ADAMTSL1: variants seen among roughly 807,000 people sequenced by gnomAD.
ADAMTSL1 encodes the protein ADAMTS-like protein 1.
Under a neutral mutation model 201.8 loss-of-function variants are expected in ADAMTSL1, and 126 were observed. The observed-to-expected ratio is 0.62, with a 90% confidence interval of 0.54 to 0.72. The LOEUF (loss-of-function observed/expected upper bound fraction) is 0.72. ADAMTSL1 is among the 30% of genes least tolerant of loss of function. The pLI is 0.00. For synonymous variants in ADAMTSL1, 1,121 were observed against 903.4 expected, an observed-to-expected ratio of 1.24 and a Z score of -4.32; for missense variants, 2,679 against 2,277.8, an observed-to-expected ratio of 1.18 and a Z score of -3.59.
intron 1 of ADAMTSL1, among the ~76,000 whole-genome samples, chr9:17,949,856 CTT>C (rs1452735604): frequency 2.0e-5 from 3 of 152,092 alleles, no homozygotes; most frequent in East Asian, 1.9e-4. Flanking sequence ...TAGAACCACT[CTT>C]TGATTTGACA....
At chr9:18,629,993 G>C (rs543456299) in intron 5 of ADAMTSL1, among the ~76,000 whole-genome samples, 3 of 151,716 alleles carry the variant, frequency 2.0e-5, no homozygotes, top group South Asian at 2.1e-4. Context: ...TTTTTTGTTT[G>C]TTTGTTTCTT....
chr9:17,911,956 A>G lies in ADAMTSL1; in HGVS notation c.87+5034A>G, dbSNP rs1269993741. Among the ~76,000 whole-genome samples, 25 of 53,820 alleles carry G rather than the reference A, an allele frequency of 4.6e-4. 6 individuals carry two copies. The highest frequency in any genetic ancestry group is 7.5e-4 in the African/African-American group (22 of 29,440). The allele number at this position is 53,820 out of a possible 152,430, so 35.3% of individuals were successfully genotyped here. A position where few individuals can be genotyped will look rare whatever the true frequency, so the allele number is the denominator to read the frequency against. On this transcript the variant is annotated intron_variant, in intron 1 of 29. Coordinates refer to the ADAMTSL1 transcript ENST00000680146. ...CGGTGTTTGGTTTTTTGTTCTTGCA[A>G]TAGTTTACTGAGAATGATGATTTCC...
chr9:18,073,073 A>G (rs1823038049), intron 1 of ADAMTSL1, among the ~76,000 whole-genome samples: 2 of 152,192 alleles, frequency 1.3e-5, no homozygotes, highest in Non-Finnish European at 2.9e-5. Flanking sequence ...ATCTTCATTA[A>G]TGAAGAGCAC....
intron 2 of ADAMTSL1, among the ~76,000 whole-genome samples, chr9:18,507,380 C>G (rs138678572): frequency 2.0e-5 from 3 of 152,108 alleles, no homozygotes; most frequent in Non-Finnish European, 4.4e-5. Context: ...TGTAGAAAAT[C>G]TGCATCTCCA....
chr9:18,212,714 G>T (rs550729387), intron 2 of ADAMTSL1, among the ~76,000 whole-genome samples: 1 of 152,144 alleles, frequency 6.6e-6, no homozygotes, highest in South Asian at 2.1e-4. Flanking sequence ...ACAATGTGTA[G>T]TTAGAGTTTG....
chr9:18,367,434 G>A (rs916394480), intron 2 of ADAMTSL1, among the ~76,000 whole-genome samples: 3 of 151,644 alleles, frequency 2.0e-5, no homozygotes, highest in African/African-American at 4.8e-5. Flanking sequence ...ATTATGGCAT[G>A]AAAATATCTT....
intron 2 of ADAMTSL1, among the ~76,000 whole-genome samples, chr9:18,165,396 G>T (rs985360583): frequency 2.6e-5 from 4 of 151,866 alleles, no homozygotes; most frequent in Non-Finnish European, 5.9e-5. Context: ...AATTGTCACA[G>T]TAGTTCCACT....
intron 1 of ADAMTSL1, among the ~76,000 whole-genome samples, chr9:18,094,120 C>T (rs1824140834): frequency 6.6e-6 from 1 of 152,112 alleles, no homozygotes; most frequent in South Asian, 2.1e-4. Context: ...GGTTAGAAAA[C>T]CTATGAGTGA....
chr9:18,320,723 T>TA (rs1390575653), intron 2 of ADAMTSL1, among the ~76,000 whole-genome samples: 3 of 152,160 alleles, frequency 2.0e-5, no homozygotes, highest in Non-Finnish European at 4.4e-5. Flanking sequence ...TGAGAGAGGT[T>TA]AATGGAATTA....
chr9:18,079,775 T>C (rs1294423701), intron 1 of ADAMTSL1, among the ~76,000 whole-genome samples: 1 of 152,122 alleles, frequency 6.6e-6, no homozygotes, highest in African/African-American at 2.4e-5. Context: ...AAGAGTACCA[T>C]GGTGGAAAGC....
chr9:18,078,896 G>T (rs1387345744), intron 1 of ADAMTSL1, among the ~76,000 whole-genome samples: 3 of 152,178 alleles, frequency 2.0e-5, no homozygotes, highest in Non-Finnish European at 2.9e-5. Context: ...TCATGATGCT[G>T]CCTTTGCTCT....
rs570169578 is a variant in ADAMTSL1, at chr9:17,929,582, T to C, written c.87+22660T>C. On this transcript the variant is annotated intron_variant, in intron 1 of 29. Transcript: ENST00000680146. ...CTCACTCAGCTCCCTTCTACCCAGG[T>C]GTCCTGCCCTTCTTTTCTTTCAGTT... Among the ~76,000 whole-genome samples the C allele has an allele frequency of 1.6e-4, 25 of 152,270 alleles. No homozygotes were observed. The South Asian group carries it at 5.0e-3, about 30-fold the overall frequency.
chr9:18,140,585 A>G (rs1238152694), intron 1 of ADAMTSL1, among the ~76,000 whole-genome samples: 1 of 152,188 alleles, frequency 6.6e-6, no homozygotes, highest in Non-Finnish European at 1.5e-5. Context: ...TCTCCCTAGC[A>G]CATACCAAAA....
In ADAMTSL1 at chr9:18,905,973, C is replaced by CAACT; in HGVS notation, c.4961+87_4961+90dup. The CAACT allele has an allele frequency of 2.4e-6, 3 of 1,253,410 alleles. No individual in the cohort carries two copies. The South Asian group carries it at 4.1e-5, about 17-fold the overall frequency. The allele number at this position is 1,253,410 out of a possible 1,614,324, so 77.6% of individuals were successfully genotyped here. ...TGGTGCTGAGTGAATGTTTCTCCTC[C>CAACT]AACTAACTTACCACAGTCCCAAGCC... On this transcript the variant is annotated intron_variant, in intron 27 of 28. Coordinates refer to ENST00000380548, the MANE Select transcript of ADAMTSL1 (RefSeq NM_001040272.6).
chr9:17,907,508 G>A (rs1358626097), intron 1 of ADAMTSL1, among the ~76,000 whole-genome samples: 3 of 152,198 alleles, frequency 2.0e-5, no homozygotes, highest in African/African-American at 7.2e-5. Flanking sequence ...GGTGGCTCTG[G>A]TGGGTGGGTG....
chr9:18,149,386 G>A (rs1479541431), intron 1 of ADAMTSL1, among the ~76,000 whole-genome samples: 4 of 152,044 alleles, frequency 2.6e-5, no homozygotes, highest in Non-Finnish European at 5.9e-5. Context: ...TTGGAGACGA[G>A]TCTATAGGGA....
chr9:17,957,267 T>C (rs141994510), intron 1 of ADAMTSL1, among the ~76,000 whole-genome samples: 1 of 152,150 alleles, frequency 6.6e-6, no homozygotes, highest in Non-Finnish European at 1.5e-5. Flanking sequence ...AAGAGCCCAT[T>C]GGAGTTGACT....
chr9:18,579,885 G>C (rs117932626), intron 4 of ADAMTSL1, among the ~76,000 whole-genome samples: 4 of 152,248 alleles, frequency 2.6e-5, no homozygotes, highest in Admixed American at 2.6e-4. Context: ...GCACAAAGCC[G>C]GTTTCTGTTT....
At chr9:18,139,501 C>G (rs1485247287) in intron 1 of ADAMTSL1, among the ~76,000 whole-genome samples, 3 of 152,100 alleles carry the variant, frequency 2.0e-5, no homozygotes, top group African/African-American at 7.2e-5. Context: ...GTTAACCATC[C>G]TATTCTGATA....
Sources: allele counts gnomAD v4.1 joint callset (sites outside exome capture counted in the v4.1 genomes callset), GRCh38; gene constraint gnomAD v4.1.1; transcripts MANE v1.5; gene names NCBI Gene and HGNC (gene_info 2026-07-23, HGNC 2026-07-21).